The following C8orf34 variants were observed in gnomAD, a reference collection of about 807,000 sequenced individuals.
C8orf34 encodes uncharacterized protein C8orf34.
Under a neutral mutation model 68.3 loss-of-function variants are expected in C8orf34, and 65 were observed. The observed-to-expected ratio is 0.95, with a 90% CI of 0.78 to 1.17. The LOEUF is 1.17. C8orf34 is among the 50% of genes most tolerant of loss of function. The probability of loss-of-function intolerance (pLI) is 0.00; values close to 1 mark genes in which losing one functional copy is unlikely to be tolerated. For missense variants in C8orf34, 664 were observed against 655.4 expected (o/e 1.01, Z -0.14); for synonymous variants, 244 against 241.2 (o/e 1.01, Z -0.11).
chr8:68,691,918 A>G (rs1366163723), intron 8 of C8orf34, among the ~76,000 whole-genome samples: 1 of 152,054 alleles, frequency 6.6e-6, no homozygotes, highest in Non-Finnish European at 1.5e-5. Flanking sequence ...AGTTTGTGTT[A>G]AGAATTACAT....
chr8:68,816,101 TAA>T (rs1824805084), intron 13 of C8orf34, among the ~76,000 whole-genome samples, 156 bp downstream of exon 13: 1 of 132,082 alleles, frequency 7.6e-6, no homozygotes, highest in Non-Finnish European at 1.6e-5. Context: ...TAAGATTTCC[TAA>T]GAGTGTGTGT....
rs554305891 is a variant in C8orf34, at chr8:68,812,443, CAT to C, written c.1550-3441_1550-3440del. On this transcript the variant is annotated intron_variant, in intron 12 of 13. Transcript: ENST00000518698. ...AATTAAACATTCTTCAGACCAAAAA[CAT>C]AGCTTTTTCTTGTGTTCTTAGACAT... is the stretch of plus-strand genomic sequence containing the variant. 2.0e-4 allele frequency among the ~76,000 whole-genome samples: 31 copies of C among 152,196 alleles called. No individual in the cohort carries two copies. In the South Asian group the frequency reaches 5.0e-3, roughly 24 times the overall value.
At chr8:68,565,113 G>C (rs1816545750) in intron 7 of C8orf34, among the ~76,000 whole-genome samples, 1 of 152,096 alleles carries the variant, frequency 6.6e-6, no homozygotes, top group African/African-American at 2.4e-5. Flanking sequence ...TTCTTTTTGA[G>C]TTTTCAGACA....
intron 1 of C8orf34, 35 bp downstream of exon 1, chr8:68,331,374 T>TTTA (rs1563624664): frequency 1.3e-6 from 2 of 1,524,596 alleles, no homozygotes; most frequent in African/African-American, 2.7e-5. Context: ...TCCCGTTGTC[T>TTTA]TTAGGGGAAG....
intron 5 of C8orf34, among the ~76,000 whole-genome samples, chr8:68,510,185 G>T (rs529664478): frequency 6.6e-6 from 1 of 152,100 alleles, no homozygotes; most frequent in Non-Finnish European, 1.5e-5. Context: ...ACTCCCTATC[G>T]TAAGCCAAAT....
At chr8:68,442,804 A>G (rs1415145510) in intron 2 of C8orf34, among the ~76,000 whole-genome samples, 2 of 152,166 alleles carry the variant, frequency 1.3e-5, no homozygotes, top group Non-Finnish European at 2.9e-5. Context: ...AGCTTAATGC[A>G]TGGTTTGTCT....
At chr8:68,330,928 A>T (rs1805544523), upstream of C8orf34, 12 of 1,095,064 alleles carry the variant, frequency 1.1e-5, no homozygotes, top group Middle Eastern at 3.1e-4. Context: ...CCCAGAGGAG[A>T]AAGGAACCTC....
At chr8:68,413,344 T>A (rs904504601) in intron 1 of C8orf34, among the ~76,000 whole-genome samples, 11 of 152,320 alleles carry the variant, frequency 7.2e-5, no homozygotes, top group Middle Eastern at 3.4e-3. Context: ...AGCAGAAGTA[T>A]CTTTCTATTT....
In C8orf34 at chr8:68,815,959, G is replaced by A. The variant is rs536497412; in HGVS notation, c.1609+14G>A. 2 of 1,613,638 alleles carry A rather than the reference G, an allele frequency of 1.2e-6. No individual in the cohort carries two copies. Among genetic ancestry groups the A allele is most frequent in the Admixed American group, 1.7e-5 (1 of 59,990 alleles). On this transcript the variant is annotated intron_variant, in intron 13 of 13. Transcript: ENST00000518698. ...TGGTCTACTCTGGTATGTTTGCTCA[G>A]GGCACTTAATATCGATGTCGGGTAA...
chr8:68,601,294 A>G (rs1307863809), intron 7 of C8orf34, among the ~76,000 whole-genome samples: 1 of 151,996 alleles, frequency 6.6e-6, no homozygotes, highest in African/African-American at 2.4e-5. Context: ...TATGTTTCTC[A>G]AGCATTATTT....
chr8:68,545,851 A>G (rs1025503871), intron 7 of C8orf34, among the ~76,000 whole-genome samples: 5 of 152,126 alleles, frequency 3.3e-5, no homozygotes, highest in Admixed American at 1.3e-4. Flanking sequence ...TTCAAAGACA[A>G]TTGACTGCTT....
chr8:68,392,434 G>A (rs1183131446), intron 1 of C8orf34, among the ~76,000 whole-genome samples: 1 of 151,792 alleles, frequency 6.6e-6, no homozygotes, highest in Non-Finnish European at 1.5e-5. Flanking sequence ...AACTCTGGAA[G>A]CAAAATAATA....
intron 8 of C8orf34, among the ~76,000 whole-genome samples, chr8:68,644,918 G>A (rs1819120428): frequency 6.6e-6 from 1 of 152,206 alleles, no homozygotes; most frequent in Non-Finnish European, 1.5e-5. Context: ...AGACGCAGAT[G>A]AGAGGAGAAT....
intron 2 of C8orf34, among the ~76,000 whole-genome samples, chr8:68,442,863 G>GAGAC (rs1485563819): frequency 1.3e-5 from 2 of 152,204 alleles, no homozygotes; most frequent in Non-Finnish European, 2.9e-5. Context: ...GAAAGGACAA[G>GAGAC]AGACAGGAAA....
chr8:68,457,536 T>C (rs1021259014), intron 3 of C8orf34, among the ~76,000 whole-genome samples: 1 of 152,202 alleles, frequency 6.6e-6, no homozygotes, highest in Non-Finnish European at 1.5e-5. Context: ...TCAAATGTTA[T>C]GTGGAGGAAA....
intron 10 of C8orf34, among the ~76,000 whole-genome samples, chr8:68,725,413 T>C (rs1243715345): frequency 6.6e-6 from 1 of 152,252 alleles, no homozygotes; most frequent in Non-Finnish European, 1.5e-5. Context: ...AAAAGTCTTC[T>C]GTAAAAAAGG....
At chr8:68,749,362 A>C (rs1242486853) in intron 10 of C8orf34, among the ~76,000 whole-genome samples, 2 of 152,176 alleles carry the variant, frequency 1.3e-5, no homozygotes, top group African/African-American at 4.8e-5. Flanking sequence ...CATTGTGTAC[A>C]TGTACCCTAA....
intron 8 of C8orf34, among the ~76,000 whole-genome samples, chr8:68,681,079 C>T (rs1820355850): frequency 6.6e-6 from 1 of 151,974 alleles, no homozygotes; most frequent in African/African-American, 2.4e-5. Context: ...TTTGCTTGAC[C>T]CCGCAGGCAG....
chr8:68,550,979 C>T (rs1266032475), intron 7 of C8orf34, among the ~76,000 whole-genome samples: 1 of 151,352 alleles, frequency 6.6e-6, no homozygotes, highest in Non-Finnish European at 1.5e-5. Context: ...ACATAGTATG[C>T]CTAGGTATAG....
Sources: gnomAD v4.1 joint callset for allele counts (sites outside exome capture counted in the v4.1 genomes callset) on GRCh38, gnomAD v4.1.1 for gene constraint, MANE v1.5 for transcripts, NCBI Gene and HGNC (gene_info 2026-07-23, HGNC 2026-07-21) for gene names.